The following GRM4 variants were observed in gnomAD, a reference collection of about 807,000 sequenced individuals.
GRM4 encodes the protein glutamate metabotropic receptor 4, also known as metabotropic glutamate receptor 4.
In GRM4, 28 loss-of-function variants were observed where a neutral mutation model predicts 81.7. The observed-to-expected ratio is 0.34, with a 90% confidence interval of 0.25 to 0.47. The LOEUF (loss-of-function observed/expected upper bound fraction) is 0.47. GRM4 is among the 20% of genes least tolerant of loss of function. The probability of loss-of-function intolerance (pLI) is 1.00; values close to 1 mark genes in which losing one functional copy is unlikely to be tolerated. For synonymous variants in GRM4, 488 were observed against 528.8 expected, an observed-to-expected ratio of 0.92 and a Z score of 1.06; for missense variants, 948 against 1,290.0, an observed-to-expected ratio of 0.73 and a Z score of 4.06.
At chr6:34,088,402 G>A (rs1581679784) in intron 3 of GRM4, among the ~76,000 whole-genome samples, 2 of 152,308 alleles carry the variant, frequency 1.3e-5, no homozygotes, top group Middle Eastern at 3.4e-3. Context: ...GATTACAGGT[G>A]TGAGCCACCG....
rs540865064 is a variant in GRM4 at position 34,044,151 on chromosome 6, T to C, written c.1169-3403A>G. Among the ~76,000 whole-genome samples the C allele has an allele frequency of 6.7e-5, 9 of 135,258 alleles. No homozygotes were observed. In the East Asian group the frequency reaches 1.9e-3, roughly 28 times the overall value. 88.7% of individuals were successfully genotyped at this position (135,258 alleles called of 152,430 possible). The stretch of plus-strand genomic sequence containing the variant: ...ACACACACATATACATACATACACA[T>C]ATATACACATACACACACATATACA... On this transcript the variant is annotated intron_variant, in intron 6 of 10. Transcript: ENST00000538487.
At chr6:34,116,485 G>A (rs980057370) in intron 2 of GRM4, among the ~76,000 whole-genome samples, 1 of 152,148 alleles carries the variant, frequency 6.6e-6, no homozygotes, top group African/African-American at 2.4e-5. Context: ...CAGTGACCAG[G>A]GTTATTCTCT....
intron 10 of GRM4, among the ~76,000 whole-genome samples, chr6:34,024,033 T>C (rs891811532): frequency 4.6e-5 from 7 of 152,146 alleles, no homozygotes; most frequent in Admixed American, 3.3e-4. Flanking sequence ...TCGGTCAGGA[T>C]CTGTTGGCTC....
chr6:34,127,123 G>C (rs567794979), intron 2 of GRM4, among the ~76,000 whole-genome samples: 1 of 152,080 alleles, frequency 6.6e-6, no homozygotes, highest in Non-Finnish European at 1.5e-5. Flanking sequence ...CTAGTCTATC[G>C]TTTGCTAACC....
Position 34,059,107 on chromosome 6 carries a change from T to C in GRM4, c.894A>G (p.Arg298=), listed in dbSNP as rs1766050789. The change falls in exon 5 of 11, where the codon CGA becomes CGG. Residue 298 remains arginine, a synonymous_variant. Coordinates refer to ENST00000538487, the MANE Select transcript of GRM4 (RefSeq NM_000841.4). The surrounding 1 kb of genome is among the most constrained non-coding windows in gnomAD (Gnocchi z 5.7). ...AGAAATGGCCTGTCTGGTTGGCCCT[T>C]CGTGCTGCCTCCAGCACACGCCTGT... The part of the protein sequence containing the change: ...DDIRRVLEAA[R]RANQTGHFFW... 1.2e-6 allele frequency: 2 copies of C among 1,613,608 alleles called. No homozygotes were observed. The highest frequency in any genetic ancestry group is 1.7e-6 in the Non-Finnish European group (2 of 1,179,966).
At chr6:34,099,766 T>C (rs1490943647) in intron 2 of GRM4, among the ~76,000 whole-genome samples, 3 of 152,136 alleles carry the variant, frequency 2.0e-5, no homozygotes, top group Non-Finnish European at 4.4e-5. Context: ...GGGGGGCACC[T>C]GGGCAGGGGA....
rs576686781 is a variant in GRM4, at chr6:34,067,939, C to T, written c.737-5911G>A. Among the ~76,000 whole-genome samples, 6 of 152,334 alleles carry T rather than the reference C, an allele frequency of 3.9e-5. No homozygotes were observed. In the East Asian group the frequency reaches 9.7e-4, roughly 25 times the overall value. On this transcript the variant is annotated intron_variant, in intron 3 of 10. Coordinates refer to ENST00000538487, the MANE Select transcript of GRM4 (RefSeq NM_000841.4). ...GGAAGTACAGGCCCCTCTCACATCA[C>T]CTGCCTGCCTGCTGCCACCACTTTC...
intron 2 of GRM4, among the ~76,000 whole-genome samples, chr6:34,097,310 G>A (rs1173392071): frequency 1.3e-5 from 2 of 151,858 alleles, no homozygotes; most frequent in Non-Finnish European, 2.9e-5. Flanking sequence ...CAGGCCCAGG[G>A]AGCAGCCAGT....
Position 34,056,353 on chromosome 6 carries a change from C to T in GRM4, c.1168+191G>A. ...AGGATCTCAAGGCCACACCCCAAAT[C>T]TGCTGTGGCCCCGCCCCTCAAGGCC... On this transcript the variant is annotated intron_variant, in intron 6 of 10. Coordinates refer to ENST00000538487, the MANE Select transcript of GRM4 (RefSeq NM_000841.4). 8.4e-6 allele frequency: 5 copies of T among 595,576 alleles called. 1 individual carries two copies. The South Asian group carries it at 1.0e-4, about 12-fold the overall frequency. The allele number at this position is 595,576 out of a possible 1,614,324, so 36.9% of individuals were successfully genotyped here.
At chr6:34,145,242 C>T (rs1283496621) in intron 1 of GRM4, among the ~76,000 whole-genome samples, 2 of 151,558 alleles carry the variant, frequency 1.3e-5, no homozygotes, top group Admixed American at 6.6e-5. Context: ...CAGCGCGCCG[C>T]GGAGCCGCCC....
chr6:34,093,512 C>T (rs1052666524), intron 2 of GRM4, among the ~76,000 whole-genome samples: 1 of 152,128 alleles, frequency 6.6e-6, no homozygotes, highest in African/African-American at 2.4e-5. Context: ...AACAAGTGAC[C>T]GGGACCATTC....
intron 1 of GRM4, among the ~76,000 whole-genome samples, chr6:34,140,318 G>A (rs949698568): frequency 4.2e-5 from 5 of 119,306 alleles, no homozygotes; most frequent in African/African-American, 1.2e-4. Flanking sequence ...AGGGGGCAGT[G>A]GGGAGAGGGT....
At chr6:34,050,060 C>T (rs2451331) in intron 6 of GRM4, among the ~76,000 whole-genome samples, 2,879 of 152,328 alleles carry the variant, frequency 0.019, 91 homozygotes, top group African/African-American at 0.055. Flanking sequence ...ACATGATCTG[C>T]ACTACCTGCC....
rs34276809 is a variant in GRM4, at chr6:34,075,896, C to T, written c.737-13868G>A. Among the ~76,000 whole-genome samples the T allele has an allele frequency of 8.9e-3, 1,354 of 152,342 alleles. 12 individuals carry two copies. The highest frequency in any genetic ancestry group is 0.021 in the African/African-American group (868 of 41,562). ...CTCAACCGACGATAGCGGAAATGAA[C>T]CTAGTTTCTGACAATGTTGTCTCCC... On this transcript the variant is annotated intron_variant, in intron 3 of 10. Transcript: ENST00000538487.
At chr6:34,067,996 GCCT>G (rs1766575617) in intron 3 of GRM4, among the ~76,000 whole-genome samples, 1 of 152,228 alleles carries the variant, frequency 6.6e-6, no homozygotes, top group Non-Finnish European at 1.5e-5. Context: ...TGTACTGAGC[GCCT>G]CCTATGTGCC....
At position 34,137,907 on chromosome 6, in the gene GRM4, A is replaced by G. The variant is rs534588060; in HGVS notation, c.-363-4048T>C. On this transcript the variant is annotated intron_variant, in intron 1 of 10. Transcript: ENST00000538487. ...CACTTTGCCCGGCCCTCTTCTTAGT[A>G]TAATATTAACAAGCAGGACCTTCGT... 5.9e-5 allele frequency among the ~76,000 whole-genome samples: 9 copies of G among 152,116 alleles called. No individual in the cohort carries two copies. In the East Asian group the frequency reaches 1.4e-3, roughly 23 times the overall value.
intron 2 of GRM4, among the ~76,000 whole-genome samples, chr6:34,099,756 G>A (rs988417195): frequency 7.2e-5 from 11 of 152,134 alleles, no homozygotes; most frequent in South Asian, 2.1e-4. Flanking sequence ...GGGAAATGGC[G>A]GGGGGCACCT....
chr6:34,098,525 CT>C (rs1768658876), intron 2 of GRM4, among the ~76,000 whole-genome samples: 1 of 152,238 alleles, frequency 6.6e-6, no homozygotes, highest in Non-Finnish European at 1.5e-5. Flanking sequence ...CCCAGGCAGA[CT>C]TTAAGATCCC....
intron 2 of GRM4, among the ~76,000 whole-genome samples, chr6:34,109,037 G>A (rs1481024547): frequency 1.3e-5 from 2 of 152,204 alleles, no homozygotes; most frequent in Non-Finnish European, 2.9e-5. Context: ...CTCGGGGTGA[G>A]GACCTGGGGA....
Sources: gnomAD v4.1 joint callset for allele counts (sites outside exome capture counted in the v4.1 genomes callset) on GRCh38, gnomAD v4.1.1 for gene constraint, Gnocchi (gnomAD v3.1) non-coding constraint, MANE v1.5 for transcripts, NCBI Gene and HGNC (gene_info 2026-07-23, HGNC 2026-07-21) for gene names.